Variants in B4GALNT4 observed in about 807,000 individuals in gnomAD.
B4GALNT4 encodes N-acetyl-beta-glucosaminyl-glycoprotein 4-beta-N-acetylgalactosaminyltransferase 1.
Under a neutral mutation model 110.0 loss-of-function variants are expected in B4GALNT4, and 77 were observed. That is an observed-to-expected ratio of 0.70 (90% CI 0.58 to 0.85). The LOEUF is 0.85. Among genes scored for constraint, B4GALNT4 ranks in the 40% least tolerant of loss-of-function variants. The probability of loss-of-function intolerance (pLI) is 0.00; values close to 1 mark genes in which losing one functional copy is unlikely to be tolerated. For missense variants in B4GALNT4, 1,575 were observed against 1,506.0 expected (o/e 1.05, Z -0.76); for synonymous variants, 785 against 655.5 (o/e 1.20, Z -3.02).
At position 375,852 on chromosome 11, in the gene B4GALNT4, C is replaced by A; in HGVS notation, c.991C>A (p.Arg331Ser). 2 of 1,609,608 alleles carry A rather than the reference C, an allele frequency of 1.2e-6. No individual in the cohort carries two copies. Among genetic ancestry groups the A allele is most frequent in the South Asian group, 2.2e-5 (2 of 90,782 alleles). ...DPRDTFFLTP[R>S]MESSSLENVL... ...TGTGACCGCACCTCCTGCAGCTCCA[C>A]GCATGGAATCTTCGAGCCTGGAGAA... Residue 331 changes from arginine (R) to serine (S), a missense_variant, in exon 11 of 20, where the codon CGC becomes AGC. Physicochemically the swap from Arg to Ser is moderately radical, Grantham distance 110. Transcript: ENST00000329962.
chr11:377,145 C>T lies in B4GALNT4; in HGVS notation c.2022C>T (p.Arg674=). The change falls in exon 14 of 20, where the codon CGC becomes CGT. Residue 674 remains arginine, a synonymous_variant. Transcript: ENST00000329962. ...SEEAAGPALG[R]WREDAIDWQR... is the part of the protein sequence containing the mutation. ...AGGCCGCGGGCCCGGCGCTCGGACG[C>T]TGGCGTGAGGACGCCATCGACTGGC... is the stretch of plus-strand genomic sequence containing the variant. 1 of 1,532,214 alleles carries T rather than the reference C, an allele frequency of 6.5e-7. No individual in the cohort carries two copies. 94.9% of individuals were successfully genotyped at this position (1,532,214 alleles called of 1,614,324 possible).
intron 2 of B4GALNT4, 65 bp from the exon 3 acceptor site, chr11:372,597 C>T: frequency 3.0e-6 from 4 of 1,333,708 alleles, no homozygotes; most frequent in Non-Finnish European, 4.3e-6. Flanking sequence ...GAAGGTTTGT[C>T]TTGGTGTGTG....
At chr11:370,107 C>T (rs1846590647) in intron 1 of B4GALNT4, among the ~76,000 whole-genome samples, 153 bp downstream of exon 1, 1 of 148,402 alleles carries the variant, frequency 6.7e-6, no homozygotes, top group Non-Finnish European at 1.5e-5. Flanking sequence ...CGGCTGGGCC[C>T]GACCCTCCCG....
Position 377,181 on chromosome 11 carries a change from C to CAGCGT in B4GALNT4, c.2059_2063dup (p.Gly689AlafsTer35). The CAGCGT allele has an allele frequency of 6.3e-7, 1 of 1,577,874 alleles. No individual in the cohort carries two copies. Among genetic ancestry groups the CAGCGT allele is most frequent in the East Asian group, 2.3e-5 (1 of 42,718 alleles). On this transcript the variant is annotated frameshift_variant, in exon 14 of 20. Coordinates refer to ENST00000329962, the MANE Select transcript of B4GALNT4 (RefSeq NM_178537.5). LOFTEE classifies it high-confidence loss of function. ...ACGCCATCGACTGGCAGCGCACGTT[C>CAGCGT]AGCGTGGGCGCCGTGGACTTCGAGC...
rs1564870526 is a variant in B4GALNT4 at position 376,431 on chromosome 11, C to CGACGAG, written c.1316_1321dup (p.Asp439_Glu440dup). 1 of 1,597,570 alleles carries CGACGAG rather than the reference C, an allele frequency of 6.3e-7. No homozygotes were observed. The highest frequency in any genetic ancestry group is 1.1e-5 in the South Asian group (1 of 90,942). On this transcript the variant is annotated inframe_insertion, in exon 14 of 20. Coordinates refer to ENST00000329962, the MANE Select transcript of B4GALNT4 (RefSeq NM_178537.5). ...CCGCGTTTCCCGCAGACTTCCTGGACGACGAGGACGAGGGGGAGCTGCTCG... is the reference window on the plus strand; with the variant it reads ...CCGCGTTTCCCGCAGACTTCCTGGACGACGAGGACGAGGACGAGGGGGAGCTGCTCG...
Position 373,120 on chromosome 11 carries a change from C to CG in B4GALNT4, c.535+9dup. On this transcript the variant is annotated splice_donor_region_variant and intron_variant, in intron 5 of 19. Transcript: ENST00000329962. ...TTCATCCACCCGGCGAGGGACGGTA[C>CG]GGGGGTGAGGGTGCCCCGGGGGAGG... is the stretch of plus-strand genomic sequence containing the variant. 4 of 1,612,506 alleles carry CG rather than the reference C, an allele frequency of 2.5e-6. No individual in the cohort carries two copies. Among genetic ancestry groups the CG allele is most frequent in the Non-Finnish European group, 3.4e-6 (4 of 1,179,868 alleles).
chr11:369,873 T>C lies in B4GALNT4; in HGVS notation c.70T>C (p.Cys24Arg). ...GCTGCTGCTGCTGCTGCTGCTGAGC[T>C]GCGCCGCGTGGCTCACCTACGTGCA... ...KLLLLLLLLS[C>R]AAWLTYVHLG... is the part of the protein sequence containing the mutation. Residue 24 changes from cysteine (C) to arginine (R), a missense_variant, in exon 1 of 20, where the codon TGC (cysteine) becomes CGC (arginine). Physicochemically the swap from Cys to Arg is radical, Grantham distance 180. Coordinates refer to ENST00000329962, the MANE Select transcript of B4GALNT4 (RefSeq NM_178537.5). The C allele has an allele frequency of 1.0e-6, 1 of 993,950 alleles. No homozygotes were observed. The highest frequency in any genetic ancestry group is 1.2e-6 in the Non-Finnish European group (1 of 836,834). 61.6% of individuals were successfully genotyped at this position (993,950 alleles called of 1,614,324 possible). A position where few individuals can be genotyped will look rare whatever the true frequency, so the allele number is the denominator to read the frequency against.
In B4GALNT4 at chr11:380,456, G is replaced by T; in HGVS notation, c.2869+11G>T. 6.3e-7 allele frequency: 1 copy of T among 1,580,988 alleles called. No homozygotes were observed. The highest frequency in any genetic ancestry group is 8.6e-7 in the Non-Finnish European group (1 of 1,166,380). On this transcript the variant is annotated intron_variant, in intron 18 of 19. Transcript: ENST00000329962. ...CCCGGGACCCCCACGGTGAGGCCCC[G>T]AGCGTCCCACCCTGTGATACCAGGG...
Position 375,623 on chromosome 11 carries a change from A to T in B4GALNT4, c.851-16A>T. ...GGAGGGGGTCTGAGCACTCCCTGGA[A>T]CTCTTCTGCCCCCAGATGAGTCAGC... On this transcript the variant is annotated splice_polypyrimidine_tract_variant and intron_variant, in intron 9 of 19. Coordinates refer to ENST00000329962, the MANE Select transcript of B4GALNT4 (RefSeq NM_178537.5). The T allele has an allele frequency of 3.1e-6, 5 of 1,593,190 alleles. No homozygotes were observed. The South Asian group carries it at 3.3e-5, about 11-fold the overall frequency.
chr11:371,058 C>G (rs1366191787), intron 1 of B4GALNT4, among the ~76,000 whole-genome samples: 1 of 152,178 alleles, frequency 6.6e-6, no homozygotes, highest in Non-Finnish European at 1.5e-5. Context: ...AAACCAGCCC[C>G]CTCTGCAGGC....
At position 377,042 on chromosome 11, in the gene B4GALNT4, C is replaced by G; in HGVS notation, c.1919C>G (p.Pro640Arg). The G allele has an allele frequency of 6.9e-7, 1 of 1,438,968 alleles. No individual in the cohort carries two copies. Among genetic ancestry groups the G allele is most frequent in the Non-Finnish European group, 9.1e-7 (1 of 1,097,112 alleles). The allele number at this position is 1,438,968 out of a possible 1,614,324, so 89.1% of individuals were successfully genotyped here. A position where few individuals can be genotyped will look rare whatever the true frequency, so the allele number is the denominator to read the frequency against. The change falls in exon 14 of 20, where the codon CCC becomes CGC. Residue 640 changes from proline (P) to arginine (R), a missense_variant. Transcript: ENST00000329962. The stretch of plus-strand genomic sequence containing the variant: ...TCCCAGGTGTCCGGGCCGCAGCTGC[C>G]CGGGGAGGGCGAAGAGGAGGAGGAA... The part of the protein sequence containing the change: ...SLSQVSGPQL[P>R]GEGEEEEEGE...
At chr11:375,816 C>G (rs752345696) in intron 10 of B4GALNT4, 31 bp from the exon 11 acceptor site, 2 of 1,604,202 alleles carry the variant, frequency 1.2e-6, no homozygotes, top group Admixed American at 3.4e-5. Context: ...GGGTGCCTGC[C>G]CCAGCCACCC....
intron 4 of B4GALNT4, 30 bp from the exon 5 acceptor site, chr11:372,995 GC>G: frequency 6.2e-7 from 1 of 1,612,354 alleles, no homozygotes; most frequent in Non-Finnish European, 8.5e-7. Flanking sequence ...CACGCAGGGG[GC>G]TTCGACAGCA....
chr11:369,908 G>T lies in B4GALNT4; in HGVS notation c.105G>T (p.Leu35=), dbSNP rs1189122392. Reference sequence around the variant, plus strand: ...GGCTCACCTACGTGCACCTGGGCCTGGTGCGCCAGGGACGCGCGCTGCGCC... The same window carrying T: ...GGCTCACCTACGTGCACCTGGGCCTTGTGCGCCAGGGACGCGCGCTGCGCC... ...AAWLTYVHLG[L]VRQGRALRQR... is the part of the protein sequence containing the mutation. The change falls in exon 1 of 20, where the codon CTG becomes CTT. Residue 35 remains leucine, a synonymous_variant. Coordinates refer to ENST00000329962, the MANE Select transcript of B4GALNT4 (RefSeq NM_178537.5). 3 of 984,702 alleles carry T rather than the reference G, an allele frequency of 3.0e-6. No homozygotes were observed. Among genetic ancestry groups the T allele is most frequent in the Non-Finnish European group, 3.6e-6 (3 of 830,800 alleles). 61.0% of individuals were successfully genotyped at this position (984,702 alleles called of 1,614,324 possible). A position where few individuals can be genotyped will look rare whatever the true frequency, so the allele number is the denominator to read the frequency against.
chr11:375,803 C>G (rs530572285), intron 10 of B4GALNT4, 30 bp downstream of exon 10: 1 of 1,602,172 alleles, frequency 6.2e-7, no homozygotes, highest in East Asian at 2.2e-5. Context: ...GGGGCGAGGG[C>G]GGGGGTGCCT....
chr11:373,317 G>A lies in B4GALNT4; in HGVS notation c.636+26G>A, dbSNP rs72847393. 5,334 of 1,595,282 alleles carry A rather than the reference G, an allele frequency of 3.3e-3. 23 individuals are homozygous for A. Among genetic ancestry groups the A allele is most frequent in the South Asian group, 6.3e-3 (568 of 90,148 alleles). ...GTACCCCCACCCCAGCCCTGGTGTC[G>A]TCCCGGGCCTCCTGCAGCTCAGTCA... is the stretch of plus-strand genomic sequence containing the variant. On this transcript the variant is annotated intron_variant, in intron 6 of 19. Coordinates refer to ENST00000329962, the MANE Select transcript of B4GALNT4 (RefSeq NM_178537.5).
chr11:370,008 C>T (rs1374502956), intron 1 of B4GALNT4, 54 bp downstream of exon 1: 6 of 24,648 alleles, frequency 2.4e-4, no homozygotes, highest in African/African-American at 8.9e-4. Context: ...GCGGGGGGCG[C>T]GGGGGGCGCG....
Position 375,922 on chromosome 11 carries a change from A to G in B4GALNT4, c.1061A>G (p.Asp354Gly). 6.2e-7 allele frequency: 1 copy of G among 1,611,904 alleles called. No homozygotes were observed. Among genetic ancestry groups the G allele is most frequent in the Non-Finnish European group, 8.5e-7 (1 of 1,179,524 alleles). The stretch of plus-strand genomic sequence containing the variant: ...TACGCCCCCACCTACGTGGTCAAGG[A>G]CTTCCCGATCGCCAGATACCAGGGC... ...CAYAPTYVVK[D>G]FPIARYQGLQ... is the part of the protein sequence containing the mutation. The change falls in exon 11 of 20, where the codon GAC (aspartate) becomes GGC (glycine). Residue 354 changes from aspartate to glycine, a missense_variant. Asp to Gly is a moderately conservative substitution (Grantham distance 94, BLOSUM62 -1). Coordinates refer to ENST00000329962, the MANE Select transcript of B4GALNT4 (RefSeq NM_178537.5).
At position 373,053 on chromosome 11, in the gene B4GALNT4, G is replaced by A. The variant is rs371201285; in HGVS notation, c.472G>A (p.Val158Met). 2.2e-5 allele frequency: 35 copies of A among 1,612,468 alleles called. No homozygotes were observed. The highest frequency in any genetic ancestry group is 5.0e-5 in the Admixed American group (3 of 59,984). ...GCGCACCACCGTGAAGAAGTTGGCCGTGTCCCCCAAGTGGAAGAACTATGG... is the reference window on the plus strand; with the variant it reads ...GCGCACCACCGTGAAGAAGTTGGCCATGTCCCCCAAGTGGAAGAACTATGG... ...HTRTTVKKLA[V>M]SPKWKNYGLR... is the part of the protein sequence containing the mutation. Residue 158 changes from valine (V) to methionine (M), a missense_variant, in exon 5 of 20, where the codon GTG becomes ATG. Physicochemically the swap from Val to Met is conservative, Grantham distance 21. Coordinates refer to ENST00000329962, the MANE Select transcript of B4GALNT4 (RefSeq NM_178537.5).
Sources: allele counts gnomAD v4.1 joint callset (sites outside exome capture counted in the v4.1 genomes callset), GRCh38; gene constraint gnomAD v4.1.1; transcripts MANE v1.5; gene names NCBI Gene and HGNC (gene_info 2026-07-23, HGNC 2026-07-21).